NRSN1: variants seen among roughly 807,000 people sequenced by gnomAD.
NRSN1 encodes the protein neurensin 1.
In NRSN1, 14 loss-of-function variants were observed where a neutral mutation model predicts 17.3. That is an observed-to-expected ratio of 0.81 (90% CI 0.54 to 1.27). NRSN1 has a LOEUF of 1.27. NRSN1 is among the 50% of genes most tolerant of loss of function. NRSN1 has a pLI of 0.00. For synonymous variants in NRSN1, 79 were observed against 94.2 expected (o/e 0.84, Z 0.93); for missense variants, 209 against 235.9 (o/e 0.89, Z 0.75).
Position 24,145,879 on chromosome 6 carries a change from CA to C in NRSN1, c.522del (p.Glu176LysfsTer31). On this transcript the variant is annotated frameshift_variant, in exon 4 of 4. Transcript: ENST00000378491. LOFTEE classifies it high-confidence loss of function. This position sits in a 1 kb window ranked among gnomAD's most constrained non-coding sequence, Gnocchi z 4.4. ...HTQPVTKAPG[P>X]GETKIPVTLS... ...CAGCCGGTTACAAAAGCTCCAGGGC[CA>C]GGGGAAACAAAGATTCCAGTCACTT... The C allele has an allele frequency of 1.2e-6, 2 of 1,614,082 alleles. No individual in the cohort carries two copies. The highest frequency in any genetic ancestry group is 1.7e-6 in the Non-Finnish European group (2 of 1,180,006).
intron 3 of NRSN1, among the ~76,000 whole-genome samples, chr6:24,142,202 T>TC (rs1760220246): frequency 7.0e-6 from 1 of 143,316 alleles, no homozygotes; most frequent in South Asian, 2.4e-4. Context: ...TTTTTTTTTT[T>TC]TTTTTTTTTT....
intron 1 of NRSN1, among the ~76,000 whole-genome samples, 165 bp downstream of exon 1, chr6:24,126,505 A>G (rs966630140): frequency 6.6e-6 from 1 of 151,880 alleles, no homozygotes; most frequent in East Asian, 1.9e-4. Context: ...TTATATGTGC[A>G]CCAATCTCCA....
chr6:24,131,900 A>G (rs1217464606), intron 2 of NRSN1, among the ~76,000 whole-genome samples: 1 of 152,146 alleles, frequency 6.6e-6, no homozygotes, highest in Non-Finnish European at 1.5e-5. Context: ...CTTTTTATGA[A>G]ATCATATCTT....
intron 3 of NRSN1, among the ~76,000 whole-genome samples, chr6:24,140,211 C>G (rs1264100671): frequency 6.6e-6 from 1 of 152,120 alleles, no homozygotes; most frequent in East Asian, 1.9e-4. Flanking sequence ...GAAGACTAAG[C>G]GTGGCTGTCA....
Position 24,134,526 on chromosome 6 carries a change from G to T in NRSN1, c.189+10G>T. The T allele has an allele frequency of 1.2e-6, 2 of 1,612,016 alleles. No individual in the cohort carries two copies. The highest frequency in any genetic ancestry group is 1.1e-5 in the South Asian group (1 of 91,004). ...CTCAGTATTCTGGAAGGTAAGGAAGGAGCATGTGTTTAACTTAGGGAATGG... is the reference window on the plus strand; with the variant it reads ...CTCAGTATTCTGGAAGGTAAGGAAGTAGCATGTGTTTAACTTAGGGAATGG... On this transcript the variant is annotated intron_variant, in intron 3 of 3. Coordinates refer to ENST00000378491, the MANE Select transcript of NRSN1 (RefSeq NM_080723.5).
chr6:24,141,386 TACTCATGAG>T, intron 3 of NRSN1: 1 of 483,074 alleles, frequency 2.1e-6, no homozygotes, highest in Non-Finnish European at 3.1e-6. Context: ...TCCCATATGC[TACTCATGAG>T]ACTCCTTCGT....
In NRSN1 at chr6:24,145,858, C is replaced by T. The variant is rs141247589; in HGVS notation, c.500C>T (p.Pro167Leu). ...RIADIKAHTQ[P>L]VTKAPGPGET... ...GCAGACATCAAAGCCCACACCCAGC[C>T]GGTTACAAAAGCTCCAGGGCCAGGG... The change falls in exon 4 of 4, where the codon CCG becomes CTG. Residue 167 changes from proline to leucine, a missense_variant. Physicochemically the swap from Pro to Leu is moderately conservative, Grantham distance 98. Transcript: ENST00000378491. The surrounding 1 kb of genome is among the most constrained non-coding windows in gnomAD (Gnocchi z 4.4). 843 of 1,614,164 alleles carry T rather than the reference C, an allele frequency of 5.2e-4. 1 individual carries two copies. The highest frequency in any genetic ancestry group is 2.0e-3 in the Middle Eastern group (12 of 6,062).
Position 24,145,736 on chromosome 6 carries a change from AGGCACGTCCAT to A in NRSN1, c.383_393del (p.Thr128ArgfsTer24), listed in dbSNP as rs772484352. The stretch of plus-strand genomic sequence containing the variant: ...CAGGAGCTGTTCTCTTCTGCATTGG[AGGCACGTCCAT>A]GGCAGGGTGCCTGCTGATGTCGGTG... On this transcript the variant is annotated frameshift_variant, in exon 4 of 4. Transcript: ENST00000378491. LOFTEE classifies it high-confidence loss of function. This position sits in a 1 kb window ranked among gnomAD's most constrained non-coding sequence, Gnocchi z 4.4. The A allele has an allele frequency of 6.8e-6, 11 of 1,614,148 alleles. No individual in the cohort carries two copies. The highest frequency in any genetic ancestry group is 9.3e-6 in the Non-Finnish European group (11 of 1,180,018).
At chr6:24,137,883 A>G (rs188840538) in intron 3 of NRSN1, among the ~76,000 whole-genome samples, 70 of 152,240 alleles carry the variant, frequency 4.6e-4, no homozygotes, top group Non-Finnish European at 8.5e-4. Context: ...GAAAGCAGGA[A>G]CGGGGCATCC....
At position 24,146,824 on chromosome 6, in the gene NRSN1, C is replaced by G. The variant is rs1760315183; in HGVS notation, c.*878C>G. 6.6e-6 allele frequency: 1 copy of G among 152,308 alleles called. No individual in the cohort carries two copies. The highest frequency in any genetic ancestry group is 1.5e-5 in the Non-Finnish European group (1 of 68,218). 9.4% of individuals were successfully genotyped at this position (152,308 alleles called of 1,614,324 possible). A position where few individuals can be genotyped will look rare whatever the true frequency, so the allele number is the denominator to read the frequency against. On this transcript the variant is annotated 3_prime_UTR_variant, in exon 4 of 4. Transcript: ENST00000378491. ...GTGTTCAAAAGTACTGAATTAGAAACCAGGAAGTTTTAGTTCCTTCTACTA... is the reference window on the plus strand; with the variant it reads ...GTGTTCAAAAGTACTGAATTAGAAAGCAGGAAGTTTTAGTTCCTTCTACTA...
chr6:24,141,833 G>C (rs1760208651), intron 3 of NRSN1, among the ~76,000 whole-genome samples: 1 of 152,176 alleles, frequency 6.6e-6, no homozygotes, highest in Admixed American at 6.5e-5. Context: ...TGAGTGTCAG[G>C]CTGGAATAAG....
intron 2 of NRSN1, chr6:24,128,622 T>C (rs1171330413): frequency 6.6e-6 from 1 of 152,222 alleles, no homozygotes; most frequent in Non-Finnish European, 1.5e-5. Flanking sequence ...GTATCCCCTA[T>C]GAGTCTGACT....
intron 1 of NRSN1, 81 bp downstream of exon 1, chr6:24,126,421 TTCTC>T (rs1334505022): frequency 1.3e-5 from 2 of 153,892 alleles, no homozygotes; most frequent in African/African-American, 2.4e-5. Context: ...TCTCCTCCCT[TTCTC>T]TCTTTCCTTC....
Position 24,128,205 on chromosome 6 carries a change from G to C in NRSN1, c.-10+5G>C, listed in dbSNP as rs1234146948. ...AAGAAAAAGAGGACTTCAAAGGTAG[G>C]ACTCAAACCTTATCACATGTAGATT... On this transcript the variant is annotated splice_donor_5th_base_variant and intron_variant, in intron 2 of 3. Coordinates refer to ENST00000378491, the MANE Select transcript of NRSN1 (RefSeq NM_080723.5). 4.6e-5 allele frequency: 7 copies of C among 152,176 alleles called. No homozygotes were observed. Among genetic ancestry groups the C allele is most frequent in the Non-Finnish European group, 1.0e-4 (7 of 68,024 alleles). The allele number at this position is 152,176 out of a possible 1,614,324, so 9.4% of individuals were successfully genotyped here.
In NRSN1 at chr6:24,145,615, T is replaced by C. The variant is rs1760290678; in HGVS notation, c.257T>C (p.Val86Ala). 1 of 1,613,374 alleles carries C rather than the reference T, an allele frequency of 6.2e-7. No individual in the cohort carries two copies. Among genetic ancestry groups the C allele is most frequent in the Admixed American group, 1.7e-5 (1 of 59,948 alleles). The change falls in exon 4 of 4, where the codon GTG (valine) becomes GCG (alanine). Residue 86 changes from valine to alanine, a missense_variant. By Grantham distance (64) the Val-to-Ala change is moderately conservative. Coordinates refer to ENST00000378491, the MANE Select transcript of NRSN1 (RefSeq NM_080723.5). This position sits in a 1 kb window ranked among gnomAD's most constrained non-coding sequence, Gnocchi z 4.4. ...GLTVLAVGFL[V>A]PPKIEAFGEA... ...ACTGTTCTGGCAGTGGGCTTTCTTG[T>C]GCCCCCCAAAATCGAAGCATTTGGC... is the stretch of plus-strand genomic sequence containing the variant.
chr6:24,130,292 T>C (rs767601129), intron 2 of NRSN1, among the ~76,000 whole-genome samples: 17 of 152,190 alleles, frequency 1.1e-4, no homozygotes, highest in Non-Finnish European at 2.2e-4. Context: ...TAGTTTGTTA[T>C]ATATAGTTTA....
At chr6:24,136,963 T>C (rs1760126822) in intron 3 of NRSN1, among the ~76,000 whole-genome samples, 1 of 152,222 alleles carries the variant, frequency 6.6e-6, no homozygotes, top group South Asian at 2.1e-4. Flanking sequence ...AGTGAATTCA[T>C]GCCAGTGGAT....
intron 2 of NRSN1, among the ~76,000 whole-genome samples, chr6:24,133,264 C>A (rs998846743): frequency 3.3e-5 from 5 of 152,214 alleles, no homozygotes; most frequent in African/African-American, 1.2e-4. Context: ...ACATTATACT[C>A]TAGCCACCCA....
At chr6:24,140,943 C>T (rs763773817) in intron 3 of NRSN1, 23 of 1,329,312 alleles carry the variant, frequency 1.7e-5, no homozygotes, top group Non-Finnish European at 2.1e-5. Context: ...GGTTTTCACA[C>T]ATCCTCCCAC....
Sources: allele counts gnomAD v4.1 joint callset (sites outside exome capture counted in the v4.1 genomes callset), GRCh38; gene constraint gnomAD v4.1.1; non-coding constraint Gnocchi (gnomAD v3.1); transcripts MANE v1.5; gene names NCBI Gene and HGNC (gene_info 2026-07-23, HGNC 2026-07-21).